Variants in STK39 observed in about 807,000 individuals in gnomAD.
STK39 encodes the protein serine/threonine kinase 39, also known as STE20/SPS1-related proline-alanine-rich protein kinase.
A neutral mutation model predicts 77.8 loss-of-function variants in STK39; 20 were observed. The ratio of observed to expected loss-of-function variants is 0.26; its 90% confidence interval spans 0.18 to 0.37. STK39 has a LOEUF of 0.37. Among genes scored for constraint, STK39 ranks in the 10% least tolerant of loss-of-function variants. STK39 has a pLI of 1.00. For synonymous variants in STK39, 246 were observed against 234.1 expected (o/e 1.05, Z -0.47); for missense variants, 479 against 656.5 (o/e 0.73, Z 2.95).
intron 14 of STK39, among the ~76,000 whole-genome samples, chr2:168,038,446 A>AT (rs1211038192): frequency 6.2e-5 from 5 of 80,874 alleles, no homozygotes; most frequent in East Asian, 2.3e-4. Flanking sequence ...GGCTAAAATG[A>AT]TTTAAAAAAA....
intron 10 of STK39, among the ~76,000 whole-genome samples, chr2:168,111,797 G>A (rs2105471168): frequency 6.6e-6 from 1 of 152,228 alleles, no homozygotes; most frequent in South Asian, 2.1e-4. Context: ...AATGTGATAT[G>A]CAATGTAAGA....
chr2:168,104,265 A>G (rs1365871601), intron 10 of STK39, among the ~76,000 whole-genome samples: 1 of 152,180 alleles, frequency 6.6e-6, no homozygotes, highest in South Asian at 2.1e-4. Context: ...TTTTCTCATA[A>G]TAAGTATTAT....
intron 14 of STK39, among the ~76,000 whole-genome samples, chr2:168,018,573 A>G (rs1011706812): frequency 2.1e-5 from 3 of 144,132 alleles, no homozygotes; most frequent in Non-Finnish European, 4.4e-5. Flanking sequence ...AAAGAAAGAA[A>G]GAAAGAAAGA....
intron 14 of STK39, among the ~76,000 whole-genome samples, chr2:168,056,755 A>C (rs1685537613): frequency 6.6e-6 from 1 of 152,210 alleles, no homozygotes; most frequent in Non-Finnish European, 1.5e-5. Context: ...TCTTGAATGG[A>C]GATGGAAACA....
chr2:168,019,396 T>A (rs1353513874), intron 14 of STK39, among the ~76,000 whole-genome samples: 3 of 152,220 alleles, frequency 2.0e-5, no homozygotes, highest in Non-Finnish European at 4.4e-5. Context: ...AATTTATAAA[T>A]TAAGCTTTAT....
chr2:168,247,308 G>GGGGCCC lies in STK39; in HGVS notation c.127_128insGGGCCC (p.Ala42_Pro43insArgAla), dbSNP rs1351187038. 9.6e-7 allele frequency: 1 copy of GGGGCCC among 1,039,084 alleles called. No individual in the cohort carries two copies. Among genetic ancestry groups the GGGGCCC allele is most frequent in the Non-Finnish European group, 1.2e-6 (1 of 863,204 alleles). The allele number at this position is 1,039,084 out of a possible 1,614,324, so 64.4% of individuals were successfully genotyped here. On this transcript the variant is annotated inframe_insertion, in exon 1 of 18. Coordinates refer to ENST00000355999, the MANE Select transcript of STK39 (RefSeq NM_013233.3). Reference sequence around the variant, plus strand: ...TGCCGCCGGGGCCGGGGCCGGGGCCGGGGCCGCGGGAGCTGCCGGGGCCGG... The same window carrying GGGGCCC: ...TGCCGCCGGGGCCGGGGCCGGGGCCGGGGCCCGGGCCGCGGGAGCTGCCGGGGCCGG...
intron 16 of STK39, among the ~76,000 whole-genome samples, chr2:167,969,860 C>T (rs1692281277): frequency 6.6e-6 from 1 of 152,170 alleles, no homozygotes; most frequent in Non-Finnish European, 1.5e-5. Context: ...CTCTGTTGGC[C>T]TTCCATCTCA....
chr2:168,244,202 AACAAT>A (rs1470305907), intron 1 of STK39, among the ~76,000 whole-genome samples: 1 of 152,342 alleles, frequency 6.6e-6, no homozygotes, highest in East Asian at 1.9e-4. Flanking sequence ...ACACAAGAAC[AACAAT>A]ACAATAAAGA....
intron 1 of STK39, among the ~76,000 whole-genome samples, chr2:168,204,137 G>C (rs1035614169): frequency 6.6e-5 from 10 of 152,238 alleles, no homozygotes; most frequent in African/African-American, 2.4e-4. Flanking sequence ...GGGATTCTGA[G>C]GGTTTAACAG....
At chr2:168,000,611 G>A (rs1683975653) in intron 16 of STK39, among the ~76,000 whole-genome samples, 3 of 152,202 alleles carry the variant, frequency 2.0e-5, no homozygotes, top group African/African-American at 2.4e-5. Context: ...AAGGATATGT[G>A]AGGAATTGAT....
chr2:168,091,642 C>A (rs1213112408), intron 10 of STK39, among the ~76,000 whole-genome samples: 1 of 152,096 alleles, frequency 6.6e-6, no homozygotes, highest in Admixed American at 6.6e-5. Flanking sequence ...GAAAAACAGA[C>A]CTTCAACTTT....
intron 17 of STK39, among the ~76,000 whole-genome samples, chr2:167,956,734 C>G (rs552170766): frequency 3.8e-5 from 2 of 52,604 alleles, no homozygotes; most frequent in African/African-American, 1.4e-4. Context: ...TCTCTCCCCC[C>G]CCGCCCCCTC....
At chr2:168,073,507 T>C (rs1397764688) in intron 12 of STK39, among the ~76,000 whole-genome samples, 1 of 151,942 alleles carries the variant, frequency 6.6e-6, no homozygotes, top group Non-Finnish European at 1.5e-5. Flanking sequence ...AGAAATAGAG[T>C]TCATGATACA....
intron 10 of STK39, among the ~76,000 whole-genome samples, chr2:168,081,578 T>C (rs572451173): frequency 2.0e-5 from 3 of 152,274 alleles, no homozygotes; most frequent in Non-Finnish European, 2.9e-5. Context: ...TTTGAGTTAA[T>C]ACTGAAATGA....
intron 5 of STK39, 100 bp from the exon 6 acceptor site, chr2:168,140,858 G>T: frequency 1.1e-6 from 1 of 947,298 alleles, no homozygotes; most frequent in Non-Finnish European, 1.6e-6. Flanking sequence ...CTTTACAGTG[G>T]TGATGAACTA....
chr2:168,025,843 G>A (rs1684682775), intron 14 of STK39, among the ~76,000 whole-genome samples: 1 of 152,172 alleles, frequency 6.6e-6, no homozygotes, highest in Non-Finnish European at 1.5e-5. Context: ...GCTCATCCCG[G>A]GGCCTTCCTA....
intron 12 of STK39, 33 bp downstream of exon 12, chr2:168,074,949 T>C (rs1393134243): frequency 1.9e-6 from 3 of 1,609,192 alleles, no homozygotes; most frequent in Non-Finnish European, 8.5e-7. Context: ...AGGAATGAAA[T>C]GGCAAAATAA....
intron 7 of STK39, among the ~76,000 whole-genome samples, chr2:168,139,408 T>TA (rs985606761): frequency 1.2e-4 from 17 of 144,482 alleles, no homozygotes; most frequent in African/African-American, 2.9e-4. Context: ...TAAAAAAAAT[T>TA]TATATATATA....
chr2:168,210,756 A>G (rs1012236563), intron 1 of STK39, among the ~76,000 whole-genome samples: 1 of 151,972 alleles, frequency 6.6e-6, no homozygotes, highest in Non-Finnish European at 1.5e-5. Context: ...CCGACCTCAA[A>G]TGATCCTCTC....
Sources: gnomAD v4.1 joint callset for allele counts (sites outside exome capture counted in the v4.1 genomes callset) on GRCh38, gnomAD v4.1.1 for gene constraint, MANE v1.5 for transcripts, NCBI Gene and HGNC (gene_info 2026-07-23, HGNC 2026-07-21) for gene names.